Variants in IL16 observed in about 807,000 individuals in gnomAD.
IL16 encodes the protein interleukin 16.
In IL16, 67 loss-of-function variants were observed where a neutral mutation model predicts 110.1. That is an observed-to-expected ratio of 0.61 (90% confidence interval 0.50 to 0.75). IL16 has a LOEUF of 0.75. IL16 is among the 30% of genes least tolerant of loss of function. The probability of loss-of-function intolerance (pLI) is 0.00; values close to 1 mark genes in which losing one functional copy is unlikely to be tolerated. For synonymous variants in IL16, 689 were observed against 662.9 expected (o/e 1.04, Z -0.61); for missense variants, 1,545 against 1,655.0 (o/e 0.93, Z 1.15).
At chr15:81,235,754 T>C (rs1247566693) in intron 2 of IL16, among the ~76,000 whole-genome samples, 1 of 152,120 alleles carries the variant, frequency 6.6e-6, no homozygotes, top group African/African-American at 2.4e-5. Context: ...AATGGCTCTA[T>C]AAATGTTTGT....
At chr15:81,236,293 A>T (rs8034716) in intron 2 of IL16, among the ~76,000 whole-genome samples, 2 of 152,136 alleles carry the variant, frequency 1.3e-5, no homozygotes, top group African/African-American at 4.8e-5. Flanking sequence ...GGGAAACCCA[A>T]TCTTTTGGCT....
chr15:81,189,295 T>C (rs1895464199), intron 1 of IL16, among the ~76,000 whole-genome samples: 1 of 152,068 alleles, frequency 6.6e-6, no homozygotes, highest in Non-Finnish European at 1.5e-5. Context: ...GGCTAAGTTT[T>C]GTATTTTTAG....
intron 2 of IL16, among the ~76,000 whole-genome samples, chr15:81,236,645 G>A (rs553941509): frequency 1.7e-4 from 26 of 152,244 alleles, no homozygotes; most frequent in African/African-American, 6.3e-4. Flanking sequence ...TAGTGAAGAG[G>A]TGTTAGGTAG....
Position 81,273,184 on chromosome 15 carries a change from C to A in IL16, c.770C>A (p.Ala257Asp), listed in dbSNP as rs1446364593. Residue 257 changes from alanine (A) to aspartate (D), a missense_variant, in exon 6 of 19, where the codon GCC becomes GAC. Physicochemically the swap from Ala to Asp is moderately radical, Grantham distance 126. Around this residue, in one of 3 missense-constraint regions of IL16, gnomAD observed 1,185 missense variants for 1,238.8 expected, o/e 0.96. Coordinates refer to ENST00000683961, the MANE Select transcript of IL16 (RefSeq NM_172217.5). ...ATTTTTGCAGGGGGAGCAGCAGCAG[C>A]CGATGGAAGGCTACAGGAAGGTAGG... ...KTIFAGGAAA[A>D]DGRLQEGDEI... The A allele has an allele frequency of 8.7e-6, 14 of 1,612,224 alleles. No homozygotes were observed. The highest frequency in any genetic ancestry group is 1.2e-5 in the Non-Finnish European group (14 of 1,178,914).
intron 10 of IL16, among the ~76,000 whole-genome samples, chr15:81,288,848 T>TGTGTGTGTGTGCGC (rs544352797): frequency 1.3e-5 from 2 of 150,754 alleles, no homozygotes; most frequent in African/African-American, 4.9e-5. Context: ...TGTGTGTGTG[T>TGTGTGTGTGTGCGC]GCGTGTGTGT....
At chr15:81,281,449 C>A (rs1340863994) in intron 8 of IL16, among the ~76,000 whole-genome samples, 1 of 152,228 alleles carries the variant, frequency 6.6e-6, no homozygotes, top group East Asian at 1.9e-4. Flanking sequence ...CACCTACATG[C>A]AGCTACGTTC....
chr15:81,278,626 G>A (rs1251022097), intron 6 of IL16, among the ~76,000 whole-genome samples, 191 bp from the exon 7 acceptor site: 1 of 152,204 alleles, frequency 6.6e-6, no homozygotes, highest in Non-Finnish European at 1.5e-5. Flanking sequence ...AAGAGAGTGG[G>A]TGCCAGAGAA....
At position 81,259,825 on chromosome 15, in the gene IL16, T is replaced by C. The variant is rs369660081; in HGVS notation, c.366T>C (p.Ser122=). ...REKPGKLEAQ[S]SNFLFPKACH... is the part of the protein sequence containing the mutation. ...AGCCTGGAAAACTAGAAGCACAAAGTAGTAACTTCCTGTTTCCTAAAGCCT... is the reference window on the plus strand; with the variant it reads ...AGCCTGGAAAACTAGAAGCACAAAGCAGTAACTTCCTGTTTCCTAAAGCCT... The change falls in exon 3 of 19, where the codon AGT becomes AGC. Residue 122 remains serine (S), a synonymous_variant. Coordinates refer to ENST00000683961, the MANE Select transcript of IL16 (RefSeq NM_172217.5). 23 of 1,613,892 alleles carry C rather than the reference T, an allele frequency of 1.4e-5. No individual in the cohort carries two copies. The highest frequency in any genetic ancestry group is 1.9e-5 in the Non-Finnish European group (23 of 1,179,950).
intron 2 of IL16, among the ~76,000 whole-genome samples, chr15:81,253,803 G>GGGTA: frequency 6.6e-6 from 1 of 152,362 alleles, no homozygotes; most frequent in South Asian, 2.1e-4. Flanking sequence ...GCCATTGGCA[G>GGGTA]TGGGAATGGG....
chr15:81,301,269 A>G (rs1485802550), intron 14 of IL16, 75 bp from the exon 15 acceptor site: 6 of 1,360,470 alleles, frequency 4.4e-6, no homozygotes, highest in Non-Finnish European at 6.0e-6. Context: ...CACCTGGGAC[A>G]TAGTAATTAT....
intron 2 of IL16, among the ~76,000 whole-genome samples, chr15:81,236,118 A>G (rs577788618): frequency 6.6e-6 from 1 of 152,358 alleles, no homozygotes; most frequent in South Asian, 2.1e-4. Context: ...CTCATATAGC[A>G]TGACTCAGGA....
At chr15:81,199,178 A>G (rs544105759) in intron 1 of IL16, among the ~76,000 whole-genome samples, 1 of 152,108 alleles carries the variant, frequency 6.6e-6, no homozygotes, top group Admixed American at 6.6e-5. Flanking sequence ...ACACGGGGAG[A>G]AAATAGGCAT....
At chr15:81,185,691 A>C (rs2141908511) in intron 1 of IL16, among the ~76,000 whole-genome samples, 1 of 152,274 alleles carries the variant, frequency 6.6e-6, no homozygotes, top group East Asian at 1.9e-4. Flanking sequence ...AAACAACTGT[A>C]CACACATAAA....
At chr15:81,248,737 T>C (rs1264029315) in intron 2 of IL16, among the ~76,000 whole-genome samples, 1 of 147,352 alleles carries the variant, frequency 6.8e-6, no homozygotes, top group East Asian at 1.9e-4. Flanking sequence ...TTTTTTTTTT[T>C]TGAGGCAGAG....
Position 81,303,668 on chromosome 15 carries a change from G to A in IL16, c.3420+18G>A, listed in dbSNP as rs747366776. ...TGATTACGGTGAGTGGCCAAGTGAA[G>A]GGGCATGTCACAGCCAGAGGCAATG... On this transcript the variant is annotated intron_variant, in intron 16 of 18. Transcript: ENST00000683961. This position sits in a 1 kb window ranked among gnomAD's most constrained non-coding sequence, Gnocchi z 4.1. The A allele has an allele frequency of 1.3e-6, 2 of 1,522,400 alleles. No individual in the cohort carries two copies. Among genetic ancestry groups the A allele is most frequent in the South Asian group, 1.1e-5 (1 of 89,156 alleles). The allele number at this position is 1,522,400 out of a possible 1,614,324, so 94.3% of individuals were successfully genotyped here.
intron 1 of IL16, among the ~76,000 whole-genome samples, chr15:81,215,912 G>A (rs1039458277): frequency 6.6e-6 from 1 of 152,198 alleles, no homozygotes; most frequent in Non-Finnish European, 1.5e-5. Flanking sequence ...GGGATTCTAT[G>A]TGCTCCAGAT....
chr15:81,221,481 C>T (rs1896614418), intron 1 of IL16, among the ~76,000 whole-genome samples: 1 of 152,144 alleles, frequency 6.6e-6, no homozygotes, highest in Non-Finnish European at 1.5e-5. Flanking sequence ...ACATTTGGTT[C>T]CATTAGGGAG....
Position 81,309,055 on chromosome 15 carries a change from G to A in IL16, c.*257G>A, listed in dbSNP as rs1900719837. The A allele has an allele frequency of 2.6e-6, 1 of 384,282 alleles. No homozygotes were observed. Among genetic ancestry groups the A allele is most frequent in the South Asian group, 8.7e-5 (1 of 11,530 alleles). The allele number at this position is 384,282 out of a possible 1,614,324, so 23.8% of individuals were successfully genotyped here. A position where few individuals can be genotyped will look rare whatever the true frequency, so the allele number is the denominator to read the frequency against. ...AAAAAGAGAGCTTAATGATAATATT[G>A]TGGTGCCACAAATAAAATGGATTTA... On this transcript the variant is annotated 3_prime_UTR_variant, in exon 19 of 19. Coordinates refer to ENST00000683961, the MANE Select transcript of IL16 (RefSeq NM_172217.5).
intron 2 of IL16, among the ~76,000 whole-genome samples, chr15:81,226,638 C>T (rs1175674553): frequency 6.6e-6 from 1 of 152,166 alleles, no homozygotes; most frequent in Non-Finnish European, 1.5e-5. Flanking sequence ...ACATAATAAA[C>T]AACATTTGTG....
Sources: allele counts gnomAD v4.1 joint callset (sites outside exome capture counted in the v4.1 genomes callset), GRCh38; gene constraint gnomAD v4.1.1; regional missense constraint gnomAD v4.1.1; non-coding constraint Gnocchi (gnomAD v3.1); transcripts MANE v1.5; gene names NCBI Gene and HGNC (gene_info 2026-07-23, HGNC 2026-07-21).